The following ORC5 variants were observed in gnomAD, a reference collection of about 807,000 sequenced individuals.
ORC5 encodes the protein protein phosphatase 1, regulatory subunit 117.
Under a neutral mutation model 58.8 loss-of-function variants are expected in ORC5, and 39 were observed. The ratio of observed to expected loss-of-function variants is 0.66; its 90% CI spans 0.51 to 0.87. ORC5 has a LOEUF of 0.87. ORC5 is among the 40% of genes least tolerant of loss of function. ORC5 has a pLI of 0.00. For missense variants in ORC5, 493 were observed against 506.3 expected (o/e 0.97, Z 0.25); for synonymous variants, 218 against 177.6 (o/e 1.23, Z -1.81).
chr7:104,166,853 T>G lies in ORC5; in HGVS notation c.909A>C (p.Pro303=). 1 of 1,611,616 alleles carries G rather than the reference T, an allele frequency of 6.2e-7. No homozygotes were observed. The highest frequency in any genetic ancestry group is 8.5e-7 in the Non-Finnish European group (1 of 1,177,942). The change falls in exon 10 of 14, where the codon CCA becomes CCC. Residue 303 remains proline (P), a synonymous_variant. Coordinates refer to ENST00000297431, the MANE Select transcript of ORC5 (RefSeq NM_002553.4). ...GLSAHTHVEL[P]YYSKFILIAA... is the part of the protein sequence containing the mutation. ...CAATTAGAATGAACTTAGAGTAATATGGAAGTTCCACATGAGTATGCGCTG... is the reference window on the plus strand; with the variant it reads ...CAATTAGAATGAACTTAGAGTAATAGGGAAGTTCCACATGAGTATGCGCTG...
Position 104,184,123 on chromosome 7 carries a change from C to G in ORC5, c.733G>C (p.Ala245Pro). Residue 245 changes from alanine to proline, a missense_variant and splice_region_variant, in exon 7 of 14, where the codon GCA (alanine) becomes CCA (proline). Around this residue, in one of 3 missense-constraint regions of ORC5, gnomAD observed 412 missense variants for 403.7 expected, o/e 1.02. Coordinates refer to ENST00000297431, the MANE Select transcript of ORC5 (RefSeq NM_002553.4). ...TTAATGAGTAAAATTACACAGTTAC[C>G]TTCTCCTTTAACCACGGGTTCACAA... ...KYCEPVVKGE[A>P]SERDTRKLWR... The G allele has an allele frequency of 6.3e-7, 1 of 1,591,456 alleles. No homozygotes were observed. Among genetic ancestry groups the G allele is most frequent in the South Asian group, 1.1e-5 (1 of 88,340 alleles).
chr7:104,165,522 AAAT>A (rs1210293213), intron 10 of ORC5: 41 of 338,076 alleles, frequency 1.2e-4, no homozygotes, highest in Non-Finnish European at 1.9e-4. Context: ...TTCTAAAATA[AAAT>A]AATGACATTT....
intron 13 of ORC5, among the ~76,000 whole-genome samples, chr7:104,135,145 C>T (rs1419549518): frequency 6.6e-6 from 1 of 152,108 alleles, no homozygotes; most frequent in African/African-American, 2.4e-5. Flanking sequence ...TTCTGTTTTG[C>T]ACATGATTAT....
chr7:104,207,045 A>C (rs3779515), intron 1 of ORC5, among the ~76,000 whole-genome samples: 30,696 of 152,134 alleles, frequency 0.2, 3,282 homozygotes, highest in African/African-American at 0.26. Flanking sequence ...GACTGTACTT[A>C]AAAAAGCAAA....
chr7:104,137,282 A>T lies in ORC5; in HGVS notation c.1150-389T>A, dbSNP rs1017731833. On this transcript the variant is annotated intron_variant, in intron 12 of 13. Coordinates refer to ENST00000297431, the MANE Select transcript of ORC5 (RefSeq NM_002553.4). ...TAAATGTGCCTACAAAAAAAAAAAA[A>T]ACAATTTTTTATTGTTTTGTAGAGA... Among the ~76,000 whole-genome samples the T allele has an allele frequency of 3.3e-4, 50 of 151,926 alleles. 1 individual carries two copies. Among genetic ancestry groups the T allele is most frequent in the African/African-American group, 1.2e-3 (50 of 41,440 alleles).
intron 5 of ORC5, among the ~76,000 whole-genome samples, chr7:104,193,194 C>T (rs144223158): frequency 5.8e-4 from 88 of 151,704 alleles, no homozygotes; most frequent in East Asian, 4.2e-3. Flanking sequence ...TTTTTTAAAG[C>T]CAAAATAATA....
chr7:104,131,907 CAAAT>C (rs1798518324), intron 13 of ORC5, among the ~76,000 whole-genome samples: 1 of 151,254 alleles, frequency 6.6e-6, no homozygotes, highest in African/African-American at 2.4e-5. Context: ...TCCTTTATAG[CAAAT>C]AAATAAGTAA....
chr7:104,136,177 C>G lies in ORC5; in HGVS notation c.1262+604G>C, dbSNP rs141901844. Among the ~76,000 whole-genome samples the G allele has an allele frequency of 3.7e-3, 570 of 152,246 alleles. 1 individual carries two copies. Among genetic ancestry groups the G allele is most frequent in the Non-Finnish European group, 5.4e-3 (370 of 68,022 alleles). ...AGCCCCTGAAACACTTAAGACAGTTCACATGTCCTTCCTAAGGCTTTTCTC... is the reference window on the plus strand; with the variant it reads ...AGCCCCTGAAACACTTAAGACAGTTGACATGTCCTTCCTAAGGCTTTTCTC... On this transcript the variant is annotated intron_variant, in intron 13 of 13. Coordinates refer to ENST00000297431, the MANE Select transcript of ORC5 (RefSeq NM_002553.4). The surrounding 1 kb of genome is among the most constrained non-coding windows in gnomAD (Gnocchi z 4.2).
At chr7:104,159,704 G>A (rs1274554439) in intron 12 of ORC5, among the ~76,000 whole-genome samples, 1 of 152,024 alleles carries the variant, frequency 6.6e-6, no homozygotes, top group Non-Finnish European at 1.5e-5. Context: ...AGCACTGTCT[G>A]TCTCACTTCC....
rs532034360 is a variant in ORC5, at chr7:104,173,670, T to G, written c.825-5145A>C. Among the ~76,000 whole-genome samples, 14 of 152,302 alleles carry G rather than the reference T, an allele frequency of 9.2e-5. No individual in the cohort carries two copies. In the South Asian group the frequency reaches 2.9e-3, roughly 32 times the overall value. The stretch of plus-strand genomic sequence containing the variant: ...TCCTCTTGGGATAATAACAACTTTT[T>G]GCCTTTTCTGGCAATCCCTTTCTGG... On this transcript the variant is annotated intron_variant, in intron 8 of 13. Coordinates refer to ENST00000297431, the MANE Select transcript of ORC5 (RefSeq NM_002553.4).
chr7:104,188,217 C>T lies in ORC5; in HGVS notation c.684+34G>A, dbSNP rs759462. On this transcript the variant is annotated intron_variant, in intron 6 of 13. Coordinates refer to ENST00000297431, the MANE Select transcript of ORC5 (RefSeq NM_002553.4). ...GTATACACACACACACACACACACA[C>T]ATATATATATATTCAAGCAAAATGT... 1.3e-3 allele frequency: 1,485 copies of T among 1,172,108 alleles called. 1 individual carries two copies. Among genetic ancestry groups the T allele is most frequent in the Non-Finnish European group, 1.5e-3 (1,230 of 804,088 alleles). 72.6% of individuals were successfully genotyped at this position (1,172,108 alleles called of 1,614,324 possible).
intron 12 of ORC5, among the ~76,000 whole-genome samples, chr7:104,141,836 T>C (rs1052344321): frequency 2.6e-5 from 4 of 152,064 alleles, no homozygotes; most frequent in African/African-American, 9.7e-5. Flanking sequence ...CACAAATAAG[T>C]GAAAAGATAC....
intron 12 of ORC5, among the ~76,000 whole-genome samples, chr7:104,144,156 T>C (rs974848632): frequency 6.6e-6 from 1 of 152,038 alleles, no homozygotes; most frequent in Non-Finnish European, 1.5e-5. Flanking sequence ...AGTGAACAAA[T>C]GTACCAAATA....
chr7:104,136,908 T>C lies in ORC5; in HGVS notation c.1150-15A>G. The C allele has an allele frequency of 1.3e-6, 2 of 1,532,826 alleles. No homozygotes were observed. The highest frequency in any genetic ancestry group is 9.0e-7 in the Non-Finnish European group (1 of 1,106,220). The allele number at this position is 1,532,826 out of a possible 1,614,324, so 95.0% of individuals were successfully genotyped here. The stretch of plus-strand genomic sequence containing the variant: ...AGAGAGGTAATCTAAAAGAGAACAT[T>C]TTTATAAGAAACTGTTTTAATAAGA... On this transcript the variant is annotated splice_polypyrimidine_tract_variant and intron_variant, in intron 12 of 13. Coordinates refer to ENST00000297431, the MANE Select transcript of ORC5 (RefSeq NM_002553.4). The surrounding 1 kb of genome is among the most constrained non-coding windows in gnomAD (Gnocchi z 4.2).
At chr7:104,183,595 T>A (rs369856088) in intron 8 of ORC5, among the ~76,000 whole-genome samples, 30 of 152,324 alleles carry the variant, frequency 2.0e-4, no homozygotes, top group African/African-American at 7.2e-4. Context: ...TAACCTTGTA[T>A]AAAGGCTAAT....
intron 6 of ORC5, 190 bp downstream of exon 6, chr7:104,188,061 G>C: frequency 1.0e-6 from 1 of 986,996 alleles, no homozygotes; most frequent in Non-Finnish European, 1.3e-6. Flanking sequence ...CTAACCCACA[G>C]ACATCTACCT....
intron 5 of ORC5, 63 bp from the exon 6 acceptor site, chr7:104,188,444 C>A: frequency 1.6e-6 from 2 of 1,253,912 alleles, no homozygotes; most frequent in Non-Finnish European, 1.1e-6. Context: ...TATCTTCAAG[C>A]ATTTTATAAC....
intron 12 of ORC5, among the ~76,000 whole-genome samples, chr7:104,152,295 G>C (rs914580139): frequency 5.3e-5 from 8 of 151,880 alleles, no homozygotes; most frequent in Admixed American, 3.3e-4. Context: ...TTACAATCAC[G>C]CACCACCACA....
In ORC5 at chr7:104,136,073, T is replaced by C. The variant is rs1432873491; in HGVS notation, c.1262+708A>G. Among the ~76,000 whole-genome samples the C allele has an allele frequency of 6.6e-6, 1 of 152,198 alleles. No individual in the cohort carries two copies. Among genetic ancestry groups the C allele is most frequent in the African/African-American group, 2.4e-5 (1 of 41,454 alleles). ...ACTTGTATTTTTAGACAGCTTTCAT[T>C]TTGACAAATGTACTTTCTTCCCCAG... On this transcript the variant is annotated intron_variant, in intron 13 of 13. Coordinates refer to ENST00000297431, the MANE Select transcript of ORC5 (RefSeq NM_002553.4). The surrounding 1 kb of genome is among the most constrained non-coding windows in gnomAD (Gnocchi z 4.2).
Sources: allele counts gnomAD v4.1 joint callset (sites outside exome capture counted in the v4.1 genomes callset), GRCh38; gene constraint gnomAD v4.1.1; regional missense constraint gnomAD v4.1.1; non-coding constraint Gnocchi (gnomAD v3.1); transcripts MANE v1.5; gene names NCBI Gene and HGNC (gene_info 2026-07-23, HGNC 2026-07-21).